Variants in ARHGAP11A observed in about 807,000 individuals in gnomAD.
The protein encoded by ARHGAP11A is Rho GTPase activating protein 11A.
ARHGAP11A carries 36 observed loss-of-function variants against 60.5 expected under a neutral mutation model. The ratio of observed to expected loss-of-function variants is 0.59; its 90% CI spans 0.46 to 0.79. ARHGAP11A has a LOEUF of 0.79. Ranked by LOEUF, ARHGAP11A falls within the 30% of genes least tolerant of loss-of-function variation. The pLI, the probability that ARHGAP11A is intolerant of heterozygous loss-of-function variation, is 0.00. For missense variants in ARHGAP11A, 1,071 were observed against 1,199.2 expected (o/e 0.89, Z 1.58); for synonymous variants, 362 against 415.5 (o/e 0.87, Z 1.57).
At chr15:32,625,666 T>C in intron 6 of ARHGAP11A, 33 bp downstream of exon 6, 1 of 1,611,130 alleles carries the variant, frequency 6.2e-7, no homozygotes, top group South Asian at 1.1e-5. Flanking sequence ...GGAGGTACAG[T>C]GATTTGCTTT....
At position 32,616,216 on chromosome 15, in the gene ARHGAP11A, G is replaced by A; in HGVS notation, c.5G>A (p.Trp2Ter). The change falls in exon 1 of 12, where the codon TGG (tryptophan) becomes TAG (stop). Residue 2 changes from tryptophan to a stop codon, truncating the protein, a stop_gained. Transcript: ENST00000361627. LOFTEE classifies it high-confidence loss of function. M[W>*]DQRLVRLALL... ...AGAGTTATCGACGTATCCGGAATGT[G>A]GGATCAGAGGCTGGTGAGGTTGGCC... The A allele has an allele frequency of 6.2e-7, 1 of 1,614,158 alleles. No individual in the cohort carries two copies. The highest frequency in any genetic ancestry group is 8.5e-7 in the Non-Finnish European group (1 of 1,180,016).
chr15:32,631,791 T>G (rs562927214), intron 8 of ARHGAP11A, among the ~76,000 whole-genome samples: 1 of 152,218 alleles, frequency 6.6e-6, no homozygotes, highest in Admixed American at 6.5e-5. Context: ...TTCTTGTGCC[T>G]CAGCCTCCTG....
chr15:32,628,349 C>T (rs1444539785), intron 6 of ARHGAP11A, among the ~76,000 whole-genome samples: 1 of 152,070 alleles, frequency 6.6e-6, no homozygotes, highest in African/African-American at 2.4e-5. Context: ...TTTTTACTTC[C>T]ATCTCTACTG....
In ARHGAP11A at chr15:32,631,298, CTT is replaced by C. The variant is rs36081568; in HGVS notation, c.1105+1549_1105+1550del. Among the ~76,000 whole-genome samples, 586 of 143,350 alleles carry C rather than the reference CTT, an allele frequency of 4.1e-3. 2 individuals are homozygous for C. Among genetic ancestry groups the C allele is most frequent in the Non-Finnish European group, 5.9e-3 (388 of 65,330 alleles). The allele number at this position is 143,350 out of a possible 152,430, so 94.0% of individuals were successfully genotyped here. On this transcript the variant is annotated intron_variant, in intron 8 of 11. Coordinates refer to ENST00000361627, the MANE Select transcript of ARHGAP11A (RefSeq NM_014783.6). ...ATAGAGTATCTATTCATAATTGTCT[CTT>C]TTTTTTTTTTTTGAGACAGAGTTTT... is the stretch of plus-strand genomic sequence containing the variant.
At chr15:32,626,867 C>T (rs1430675141) in intron 6 of ARHGAP11A, among the ~76,000 whole-genome samples, 2 of 152,204 alleles carry the variant, frequency 1.3e-5, no homozygotes, top group Non-Finnish European at 2.9e-5. Context: ...TCTTACAGGG[C>T]ACATTGGATT....
Position 32,617,471 on chromosome 15 carries a change from C to CTTT in ARHGAP11A, c.129+1147_129+1149dup, listed in dbSNP as rs1168851603. 5.3e-3 allele frequency among the ~76,000 whole-genome samples: 537 copies of CTTT among 101,982 alleles called. 31 individuals are homozygous for CTTT. The highest frequency in any genetic ancestry group is 0.011 in the African/African-American group (291 of 26,532). 66.9% of individuals were successfully genotyped at this position (101,982 alleles called of 152,430 possible). A position where few individuals can be genotyped will look rare whatever the true frequency, so the allele number is the denominator to read the frequency against. ...TTTTCACCCCTTTTCTTTTCTTTTC[C>CTTT]TTTTTTTTTTTTTTTTTTGAGATGG... On this transcript the variant is annotated intron_variant, in intron 1 of 11. Coordinates refer to ENST00000361627, the MANE Select transcript of ARHGAP11A (RefSeq NM_014783.6).
rs2140479007 is a variant in ARHGAP11A, at chr15:32,636,898, A to G, written c.2125A>G (p.Lys709Glu). The G allele has an allele frequency of 6.2e-7, 1 of 1,613,572 alleles. No individual in the cohort carries two copies. The highest frequency in any genetic ancestry group is 2.2e-5 in the East Asian group (1 of 44,878). Residue 709 changes from lysine to glutamate, a missense_variant, in exon 12 of 12, where the codon AAA becomes GAA. Transcript: ENST00000361627. ...AAAAGACATTCATTCAAATATGCCA[A>G]AAGATTATTTAAGCAAGCAAGAATT... is the stretch of plus-strand genomic sequence containing the variant. ...HEKDIHSNMP[K>E]DYLSKQEFSS... is the part of the protein sequence containing the mutation.
At chr15:32,628,103 C>T (rs1490715523) in intron 6 of ARHGAP11A, among the ~76,000 whole-genome samples, 1 of 152,228 alleles carries the variant, frequency 6.6e-6, no homozygotes, top group Non-Finnish European at 1.5e-5. Flanking sequence ...AGCCACTGCA[C>T]CTGGCCAAGG....
At chr15:32,616,976 G>A (rs1474136804) in intron 1 of ARHGAP11A, among the ~76,000 whole-genome samples, 4 of 152,132 alleles carry the variant, frequency 2.6e-5, no homozygotes, top group African/African-American at 9.7e-5. Context: ...TTTTGTATGA[G>A]TAAATTGAGA....
In ARHGAP11A at chr15:32,634,054, C is replaced by A. The variant is rs756816550; in HGVS notation, c.1344+13C>A. 5.8e-6 allele frequency: 9 copies of A among 1,545,432 alleles called. No homozygotes were observed. The highest frequency in any genetic ancestry group is 3.7e-5 in the Admixed American group (2 of 54,622). ...TGGCAGAGAAGTAGTAAGTTTCTTA[C>A]CATTTTATTGATCTTTATATTAGCA... On this transcript the variant is annotated intron_variant, in intron 10 of 11. Coordinates refer to ENST00000361627, the MANE Select transcript of ARHGAP11A (RefSeq NM_014783.6).
intron 4 of ARHGAP11A, among the ~76,000 whole-genome samples, chr15:32,624,710 G>A (rs1419704342): frequency 6.6e-6 from 1 of 151,696 alleles, no homozygotes; most frequent in Non-Finnish European, 1.5e-5. Context: ...AAATATTTCT[G>A]TTTTGCTTTT....
chr15:32,628,354 C>T (rs903278372), intron 6 of ARHGAP11A, among the ~76,000 whole-genome samples: 8 of 152,178 alleles, frequency 5.3e-5, no homozygotes, highest in South Asian at 2.1e-4. Context: ...ACTTCCATCT[C>T]TACTGATCTT....
chr15:32,629,975 T>TGTGTGTGTGTG (rs59288058), intron 8 of ARHGAP11A, among the ~76,000 whole-genome samples: 15 of 128,978 alleles, frequency 1.2e-4, no homozygotes, highest in South Asian at 7.0e-4. Context: ...TGTGTGTGTG[T>TGTGTGTGTGTG]TATGACAACA....
intron 8 of ARHGAP11A, among the ~76,000 whole-genome samples, chr15:32,632,299 A>G (rs1042347209): frequency 2.6e-5 from 4 of 152,216 alleles, no homozygotes; most frequent in Middle Eastern, 3.2e-3. Flanking sequence ...AGTTGATTTC[A>G]TAATATAAAT....
intron 8 of ARHGAP11A, among the ~76,000 whole-genome samples, chr15:32,630,843 C>T (rs1329739771): frequency 6.6e-6 from 1 of 151,818 alleles, no homozygotes; most frequent in Non-Finnish European, 1.5e-5. Flanking sequence ...GAGACTTAAA[C>T]TTTTTTAAGT....
chr15:32,625,754 A>G, intron 6 of ARHGAP11A, 121 bp downstream of exon 6: 1 of 989,360 alleles, frequency 1.0e-6, no homozygotes, highest in Non-Finnish European at 1.5e-6. Context: ...AGCTGGAAAG[A>G]TAGGACGTAT....
intron 1 of ARHGAP11A, among the ~76,000 whole-genome samples, 175 bp from the exon 2 acceptor site, chr15:32,619,933 T>C (rs925983492): frequency 1.2e-4 from 18 of 152,232 alleles, no homozygotes; most frequent in African/African-American, 4.3e-4. Flanking sequence ...CTGTCTAATA[T>C]AGTAATTATT....
intron 2 of ARHGAP11A, 26 bp downstream of exon 2, chr15:32,620,204 G>C: frequency 6.2e-7 from 1 of 1,601,074 alleles, no homozygotes; most frequent in Non-Finnish European, 8.5e-7. Flanking sequence ...AATGAAGAAG[G>C]CCGGGTGCAG....
intron 9 of ARHGAP11A, 133 bp downstream of exon 9, chr15:32,633,241 C>G: frequency 1.0e-6 from 1 of 989,520 alleles, no homozygotes; most frequent in Non-Finnish European, 1.5e-6. Flanking sequence ...CCTTTATAGT[C>G]TTATTAATCA....
Sources: allele counts gnomAD v4.1 joint callset (sites outside exome capture counted in the v4.1 genomes callset), GRCh38; gene constraint gnomAD v4.1.1; transcripts MANE v1.5; gene names NCBI Gene and HGNC (gene_info 2026-07-23, HGNC 2026-07-21).